The following NID2 variants were observed in gnomAD, a reference collection of about 807,000 sequenced individuals.
NID2 encodes nidogen 2, also known as nidogen-2.
A neutral mutation model predicts 145.4 loss-of-function variants in NID2; 83 were observed. That is an observed-to-expected ratio of 0.57 (90% confidence interval 0.48 to 0.69). The LOEUF (loss-of-function observed/expected upper bound fraction) is 0.69, where lower values mean the gene tolerates loss of function less well. Among genes scored for constraint, NID2 ranks in the 30% least tolerant of loss-of-function variants. The probability of loss-of-function intolerance (pLI) is 0.00; values close to 1 mark genes in which losing one functional copy is unlikely to be tolerated. For missense variants in NID2, 1,807 were observed against 1,765.7 expected (o/e 1.02, Z -0.42); for synonymous variants, 739 against 701.3 (o/e 1.05, Z -0.85).
rs1418258263 is a variant in NID2, at chr14:52,053,495, C to T, written c.1429+84G>A. The T allele has an allele frequency of 2.0e-5, 28 of 1,417,954 alleles. No individual in the cohort carries two copies. In the South Asian group the frequency reaches 3.4e-4, roughly 17 times the overall value. The allele number at this position is 1,417,954 out of a possible 1,614,324, so 87.8% of individuals were successfully genotyped here. On this transcript the variant is annotated intron_variant, in intron 5 of 21. Coordinates refer to ENST00000216286, the MANE Select transcript of NID2 (RefSeq NM_007361.4). ...TCTTTTTGCTAAACTTTTCACCTAC[C>T]CACTTAAGAGAAAAATCACAACGCT...
chr14:52,038,950 T>C lies in NID2; in HGVS notation c.2054A>G (p.Tyr685Cys). 6.2e-7 allele frequency: 1 copy of C among 1,613,526 alleles called. No homozygotes were observed. The highest frequency in any genetic ancestry group is 8.5e-7 in the Non-Finnish European group (1 of 1,179,750). ...GTTGATTGCACCAAAAGTCAGAGAG[T>C]AGTCTCTGGAACTTGTAGAGGTCAC... is the stretch of plus-strand genomic sequence containing the variant. Reference protein sequence around the residue: ...STVTSTSSRDYSLTFGAINQT... With the variant: ...STVTSTSSRDCSLTFGAINQT... The change falls in exon 9 of 22, where the codon TAC (tyrosine) becomes TGC (cysteine). Residue 685 changes from tyrosine (Y) to cysteine (C), a missense_variant. Coordinates refer to ENST00000216286, the MANE Select transcript of NID2 (RefSeq NM_007361.4).
Position 52,005,332 on chromosome 14 carries a change from ACAAAAGTCTTTTTG to A in NID2, c.*140_*153del. 1.7e-6 allele frequency: 1 copy of A among 579,194 alleles called. No homozygotes were observed. Among genetic ancestry groups the A allele is most frequent in the Non-Finnish European group, 2.8e-6 (1 of 363,456 alleles). The allele number at this position is 579,194 out of a possible 1,614,324, so 35.9% of individuals were successfully genotyped here. A position where few individuals can be genotyped will look rare whatever the true frequency, so the allele number is the denominator to read the frequency against. On this transcript the variant is annotated 3_prime_UTR_variant, in exon 22 of 22. Transcript: ENST00000216286. ...GTAAAGATTGAGGTATCAGCTTTTC[ACAAAAGTCTTTTTG>A]CACTACAAAATGTTCATCTTGGATG...
chr14:52,032,861 T>C (rs1891918113), intron 9 of NID2, among the ~76,000 whole-genome samples: 2 of 151,246 alleles, frequency 1.3e-5, no homozygotes, highest in African/African-American at 4.9e-5. Context: ...GGATATATTA[T>C]CCTACCTAAA....
chr14:52,033,537 T>G (rs1891948850), intron 9 of NID2, among the ~76,000 whole-genome samples: 1 of 152,196 alleles, frequency 6.6e-6, no homozygotes. Flanking sequence ...GACACCCCAG[T>G]TCTGCATCCT....
At chr14:52,026,772 C>G (rs1891599908) in intron 12 of NID2, among the ~76,000 whole-genome samples, 1 of 152,208 alleles carries the variant, frequency 6.6e-6, no homozygotes, top group South Asian at 2.1e-4. Context: ...GTGGAGTTCT[C>G]TCTTTTGAAA....
Position 52,007,946 on chromosome 14 carries a change from C to T in NID2, c.3744G>A (p.Trp1248Ter). Residue 1248 changes from tryptophan (W) to a stop codon, truncating the protein, a stop_gained, in exon 19 of 22, where the codon TGG becomes TGA. Coordinates refer to ENST00000216286, the MANE Select transcript of NID2 (RefSeq NM_007361.4). LOFTEE classifies it high-confidence loss of function. ...TTTCAATTTTAGGAGCTTCTCTATT[C>T]CAGTCTGTCCAGTACAAGTTGCTGT... Reference protein sequence around the residue: ...PIRGNLYWTDWNREAPKIETS... With the variant: ...PIRGNLYWTD 1.2e-6 allele frequency: 2 copies of T among 1,612,018 alleles called. No individual in the cohort carries two copies. Among genetic ancestry groups the T allele is most frequent in the Non-Finnish European group, 8.5e-7 (1 of 1,179,432 alleles).
At chr14:52,016,050 C>A (rs1151582) in intron 14 of NID2, among the ~76,000 whole-genome samples, 2 of 151,768 alleles carry the variant, frequency 1.3e-5, no homozygotes, top group South Asian at 2.1e-4. Flanking sequence ...CCTTTCCCCC[C>A]CTTTCTCCAG....
At chr14:52,024,775 A>G (rs1891528823) in intron 12 of NID2, among the ~76,000 whole-genome samples, 1 of 152,186 alleles carries the variant, frequency 6.6e-6, no homozygotes, top group South Asian at 2.1e-4. Flanking sequence ...AATGACAAAA[A>G]TAGGGCAAAT....
chr14:52,025,373 T>C (rs1891554576), intron 12 of NID2, among the ~76,000 whole-genome samples: 1 of 152,202 alleles, frequency 6.6e-6, no homozygotes, highest in Admixed American at 6.5e-5. Flanking sequence ...AATTGGGAAA[T>C]ACTCTTTATC....
chr14:52,005,278 TAAC>T lies in NID2; in HGVS notation c.*205_*207del, dbSNP rs1890720643. Reference sequence around the variant, plus strand: ...TTCTGTTACCTTTTTAAACTTGCAATAACAACCTTCATTTTTAAAAATACAGTA... The same window carrying T: ...TTCTGTTACCTTTTTAAACTTGCAATAACCTTCATTTTTAAAAATACAGTA... On this transcript the variant is annotated 3_prime_UTR_variant, in exon 22 of 22. Transcript: ENST00000216286. The T allele has an allele frequency of 2.4e-6, 1 of 410,346 alleles. No homozygotes were observed. Among genetic ancestry groups the T allele is most frequent in the East Asian group, 3.6e-5 (1 of 27,992 alleles). The allele number at this position is 410,346 out of a possible 1,614,324, so 25.4% of individuals were successfully genotyped here.
At position 52,068,901 on chromosome 14, in the gene NID2, G is replaced by A. The variant is rs754290431; in HGVS notation, c.94C>T (p.His32Tyr). Reference sequence around the variant, plus strand: ...CCGTGTGGGAAGAGCTCGTCTGGGTGCAGCGCCGCGGCCCGCAACATTAGC... The same window carrying A: ...CCGTGTGGGAAGAGCTCGTCTGGGTACAGCGCCGCGGCCCGCAACATTAGC... ...PLLMLRAAAL[H>Y]PDELFPHGES... Residue 32 changes from histidine to tyrosine, a missense_variant, in exon 1 of 22, where the codon CAC (histidine) becomes TAC (tyrosine). Physicochemically the swap from His to Tyr is moderately conservative, Grantham distance 83. Coordinates refer to ENST00000216286, the MANE Select transcript of NID2 (RefSeq NM_007361.4). 31 of 1,614,048 alleles carry A rather than the reference G, an allele frequency of 1.9e-5. 1 individual carries two copies. Among genetic ancestry groups the A allele is most frequent in the Admixed American group, 6.7e-5 (4 of 60,028 alleles).
At chr14:52,031,284 T>C (rs1399847309) in intron 9 of NID2, among the ~76,000 whole-genome samples, 3 of 152,148 alleles carry the variant, frequency 2.0e-5, no homozygotes, top group Non-Finnish European at 2.9e-5. Flanking sequence ...CCAATCCTGC[T>C]AAAGAAAATT....
chr14:52,068,708 G>A (rs187359778), intron 1 of NID2, 59 bp downstream of exon 1: 273 of 1,472,996 alleles, frequency 1.9e-4, no homozygotes, highest in Middle Eastern at 1.7e-3. Flanking sequence ...CAGGGTTTCC[G>A]TGAGACCGAC....
At chr14:52,006,252 G>A in intron 20 of NID2, 1 of 409,414 alleles carries the variant, frequency 2.4e-6, no homozygotes, top group South Asian at 2.9e-5. Context: ...AACATATTTA[G>A]ATTAATATGC....
At chr14:52,045,112 G>C (rs1157870277) in intron 5 of NID2, among the ~76,000 whole-genome samples, 1 of 152,112 alleles carries the variant, frequency 6.6e-6, no homozygotes. Flanking sequence ...ACTAGATTAG[G>C]GGTCACCACA....
At chr14:52,010,786 T>C (rs988375061) in intron 18 of NID2, 90 bp downstream of exon 18, 3 of 1,316,108 alleles carry the variant, frequency 2.3e-6, no homozygotes, top group Non-Finnish European at 2.1e-6. Context: ...TTCACTCTCT[T>C]GTTCTGACCT....
chr14:52,027,633 TACACACACACACAC>T (rs59049676), intron 11 of NID2, among the ~76,000 whole-genome samples: 5 of 144,162 alleles, frequency 3.5e-5, no homozygotes, highest in South Asian at 2.3e-4. Flanking sequence ...GAGCAATTGC[TACACACACACACAC>T]ACACACACAC....
Position 52,019,305 on chromosome 14 carries a change from C to A in NID2, c.2795-11G>T. 2 of 1,567,776 alleles carry A rather than the reference C, an allele frequency of 1.3e-6. No individual in the cohort carries two copies. Among genetic ancestry groups the A allele is most frequent in the South Asian group, 1.2e-5 (1 of 85,900 alleles). On this transcript the variant is annotated splice_polypyrimidine_tract_variant and intron_variant, in intron 13 of 21. Transcript: ENST00000216286. ...GGCTTGAGGTGGAGTCTTCCAGGAT[C>A]AAGGCAGAGGAAGACACAAAAGAGA...
chr14:52,025,089 A>G (rs574130267), intron 12 of NID2, among the ~76,000 whole-genome samples: 1 of 152,346 alleles, frequency 6.6e-6, no homozygotes, highest in East Asian at 1.9e-4. Flanking sequence ...AATAAATTCT[A>G]CAGACAAGAT....
Sources: allele counts gnomAD v4.1 joint callset (sites outside exome capture counted in the v4.1 genomes callset), GRCh38; gene constraint gnomAD v4.1.1; transcripts MANE v1.5; gene names NCBI Gene and HGNC (gene_info 2026-07-23, HGNC 2026-07-21).